PPEF2: variants seen among roughly 807,000 people sequenced by gnomAD.
PPEF2 encodes serine/threonine-protein phosphatase with EF-hands 2.
Under a neutral mutation model 84.7 loss-of-function variants are expected in PPEF2, and 84 were observed. The observed-to-expected ratio is 0.99, with a 90% CI of 0.83 to 1.19. The LOEUF (loss-of-function observed/expected upper bound fraction) is 1.19, where lower values mean the gene tolerates loss of function less well. Among genes scored for constraint, PPEF2 ranks in the 50% most tolerant of loss-of-function variants. The probability of loss-of-function intolerance (pLI) is 0.00; values close to 1 mark genes in which losing one functional copy is unlikely to be tolerated. For missense variants in PPEF2, 924 were observed against 937.5 expected (o/e 0.99, Z 0.19); for synonymous variants, 346 against 345.2 (o/e 1.00, Z -0.03).
chr4:75,901,693 C>G (rs1419638420), intron 1 of PPEF2, among the ~76,000 whole-genome samples: 1 of 152,196 alleles, frequency 6.6e-6, no homozygotes, highest in East Asian at 1.9e-4. Flanking sequence ...CTGATGATTT[C>G]CCAAGCTGAG....
intron 1 of PPEF2, among the ~76,000 whole-genome samples, chr4:75,901,253 T>C (rs1022852969): frequency 6.6e-6 from 1 of 152,142 alleles, no homozygotes; most frequent in African/African-American, 2.4e-5. Flanking sequence ...CCGTGGCTCA[T>C]GCCTGTAATC....
chr4:75,895,542 G>C (rs1357940063), intron 2 of PPEF2, among the ~76,000 whole-genome samples: 1 of 151,738 alleles, frequency 6.6e-6, no homozygotes, highest in Non-Finnish European at 1.5e-5. Context: ...GACAAGCCTG[G>C]TCAACATGGT....
At chr4:75,886,615 G>A (rs1724732672) in intron 7 of PPEF2, among the ~76,000 whole-genome samples, 1 of 152,174 alleles carries the variant, frequency 6.6e-6, no homozygotes, top group Admixed American at 6.5e-5. Flanking sequence ...AGCTACTCGG[G>A]AGGCTGAGGT....
intron 13 of PPEF2, among the ~76,000 whole-genome samples, chr4:75,869,434 C>G (rs537851350): frequency 3.3e-5 from 5 of 152,136 alleles, no homozygotes; most frequent in Non-Finnish European, 7.4e-5. Context: ...ACATAGCTAC[C>G]AAGGAGTGAG....
intron 11 of PPEF2, among the ~76,000 whole-genome samples, chr4:75,874,681 A>G (rs1317832680): frequency 1.3e-5 from 2 of 152,228 alleles, no homozygotes; most frequent in African/African-American, 4.8e-5. Context: ...ACACTGAGTC[A>G]GTTTGCAAAA....
intron 1 of PPEF2, among the ~76,000 whole-genome samples, chr4:75,900,976 G>A (rs1035634356): frequency 6.6e-6 from 1 of 152,104 alleles, no homozygotes; most frequent in Non-Finnish European, 1.5e-5. Context: ...AAAAATGAAA[G>A]ACTATACACC....
rs376811605 is a variant in PPEF2 at position 75,860,485 on chromosome 4, A to T, written c.*182T>A. The T allele has an allele frequency of 4.1e-6, 3 of 739,248 alleles. No individual in the cohort carries two copies. The highest frequency in any genetic ancestry group is 6.5e-6 in the Non-Finnish European group (3 of 465,072). The allele number at this position is 739,248 out of a possible 1,614,324, so 45.8% of individuals were successfully genotyped here. On this transcript the variant is annotated 3_prime_UTR_variant, in exon 17 of 17. Transcript: ENST00000286719. ...GTGGGGTTGGGGCACTCATATACTT[A>T]AAACACATACATACACAACACCCCA...
At position 75,888,250 on chromosome 4, in the gene PPEF2, C is replaced by T. The variant is rs770612556; in HGVS notation, c.496G>A (p.Val166Ile). 4 of 1,613,944 alleles carry T rather than the reference C, an allele frequency of 2.5e-6. No individual in the cohort carries two copies. The highest frequency in any genetic ancestry group is 1.7e-6 in the Non-Finnish European group (2 of 1,179,862). The change falls in exon 6 of 17, where the codon GTC becomes ATC. Residue 166 changes from valine to isoleucine, a missense_variant. Transcript: ENST00000286719. ...ATCTCCTCACTGTAACAGGTTGAGACCCGGTTGATGTTTGGCAGCTGTACC... is the reference window on the plus strand; with the variant it reads ...ATCTCCTCACTGTAACAGGTTGAGATCCGGTTGATGTTTGGCAGCTGTACC... ...HLVQLPNINR[V>I]STCYSEEITV... is the part of the protein sequence containing the mutation.
At position 75,886,856 on chromosome 4, in the gene PPEF2, T is replaced by C. The variant is rs1724738948; in HGVS notation, c.575A>G (p.Tyr192Cys). 5 of 1,489,258 alleles carry C rather than the reference T, an allele frequency of 3.4e-6. No homozygotes were observed. Among genetic ancestry groups the C allele is most frequent in the African/African-American group, 1.4e-5 (1 of 70,680 alleles). 92.3% of individuals were successfully genotyped at this position (1,489,258 alleles called of 1,614,324 possible). Residue 192 changes from tyrosine to cysteine, a missense_variant, in exon 7 of 17, where the codon TAT becomes TGT. Coordinates refer to ENST00000286719, the MANE Select transcript of PPEF2 (RefSeq NM_006239.3). ...GQLDDLIFIF[Y>C]KNGLPSPERS... The stretch of plus-strand genomic sequence containing the variant: ...ACTTAATTTGAACATTCATACCTTA[T>C]AAAATATAAAGATTAAGTCATCCAA...
At chr4:75,885,510 T>G (rs1435124996) in intron 7 of PPEF2, among the ~76,000 whole-genome samples, 2 of 152,192 alleles carry the variant, frequency 1.3e-5, no homozygotes, top group African/African-American at 4.8e-5. Context: ...TACTAGAATA[T>G]AATGCAATGC....
At chr4:75,896,196 A>C in intron 2 of PPEF2, 75 bp downstream of exon 2, 1 of 1,520,784 alleles carries the variant, frequency 6.6e-7, no homozygotes, top group Non-Finnish European at 9.1e-7. Context: ...TTCTACCCTC[A>C]GAACCCCCAA....
rs1028032172 is a variant in PPEF2 at position 75,885,298 on chromosome 4, A to G, written c.580-538T>C. Among the ~76,000 whole-genome samples, 6 of 152,140 alleles carry G rather than the reference A, an allele frequency of 3.9e-5. 1 individual carries two copies. The highest frequency in any genetic ancestry group is 8.8e-5 in the Non-Finnish European group (6 of 68,032). On this transcript the variant is annotated intron_variant, in intron 7 of 16. Coordinates refer to ENST00000286719, the MANE Select transcript of PPEF2 (RefSeq NM_006239.3). ...TCTTTATGTGAAAGAAAGAAAATCAATTGCTAAATATTTATTTATTTATTT... is the reference window on the plus strand; with the variant it reads ...TCTTTATGTGAAAGAAAGAAAATCAGTTGCTAAATATTTATTTATTTATTT...
rs778475086 is a variant in PPEF2 at position 75,891,942 on chromosome 4, C to A, written c.92G>T (p.Arg31Leu). 4.3e-6 allele frequency: 7 copies of A among 1,613,974 alleles called. No homozygotes were observed. In the African/African-American group the frequency reaches 8.0e-5, roughly 18 times the overall value. Residue 31 changes from arginine (R) to leucine (L), a missense_variant, in exon 3 of 17, where the codon CGG becomes CTG. Arg to Leu is a moderately radical substitution (Grantham distance 102, BLOSUM62 -2). Transcript: ENST00000286719. ...KAAALIQRWY[R>L]RYVARLEMRR... The stretch of plus-strand genomic sequence containing the variant: ...CATCTCCAGGCGGGCCACGTAGCGC[C>A]GGTACCATCTCTGGATCAGGGCTGC...
intron 10 of PPEF2, 64 bp from the exon 11 acceptor site, chr4:75,876,737 G>C: frequency 6.8e-7 from 1 of 1,471,160 alleles, no homozygotes; most frequent in Admixed American, 2.3e-5. Flanking sequence ...CAGGTGTGGT[G>C]GCCCACTCCT....
chr4:75,891,146 A>C (rs1250071635), intron 4 of PPEF2, among the ~76,000 whole-genome samples: 1 of 151,200 alleles, frequency 6.6e-6, no homozygotes, highest in Non-Finnish European at 1.5e-5. Context: ...ATGCCACTGC[A>C]CTCCAGCCTG....
chr4:75,883,133 T>C, intron 9 of PPEF2, 33 bp downstream of exon 9: 1 of 1,613,836 alleles, frequency 6.2e-7, no homozygotes, highest in Non-Finnish European at 8.5e-7. Context: ...TTATCTGAAC[T>C]GAGAGAAACT....
At position 75,860,573 on chromosome 4, in the gene PPEF2, G is replaced by A. The variant is rs753113171; in HGVS notation, c.*94C>T. On this transcript the variant is annotated 3_prime_UTR_variant, in exon 17 of 17. Transcript: ENST00000286719. ...ATGCATATGGATAGGTAAATTTTCA[G>A]CATAAAGTTTCACATGGAGAATAAG... The A allele has an allele frequency of 9.4e-6, 14 of 1,489,584 alleles. No individual in the cohort carries two copies. Among genetic ancestry groups the A allele is most frequent in the Non-Finnish European group, 1.3e-5 (14 of 1,094,128 alleles). 92.3% of individuals were successfully genotyped at this position (1,489,584 alleles called of 1,614,324 possible). A position where few individuals can be genotyped will look rare whatever the true frequency, so the allele number is the denominator to read the frequency against.
intron 1 of PPEF2, among the ~76,000 whole-genome samples, chr4:75,897,879 C>T (rs908314501): frequency 6.6e-6 from 1 of 152,186 alleles, no homozygotes; most frequent in Non-Finnish European, 1.5e-5. Flanking sequence ...ATTAAAGACA[C>T]ACACACAGAA....
At chr4:75,873,106 T>C (rs754206019) in intron 12 of PPEF2, 21 bp downstream of exon 12, 1 of 1,603,966 alleles carries the variant, frequency 6.2e-7, no homozygotes, top group Non-Finnish European at 8.5e-7. Context: ...AAGCCTGTAC[T>C]GCTGCAGAGG....
Sources: gnomAD v4.1 joint callset for allele counts (sites outside exome capture counted in the v4.1 genomes callset) on GRCh38, gnomAD v4.1.1 for gene constraint, MANE v1.5 for transcripts, NCBI Gene and HGNC (gene_info 2026-07-23, HGNC 2026-07-21) for gene names.